CNTNAP2: variants seen among roughly 807,000 people sequenced by gnomAD.
CNTNAP2 encodes the protein contactin associated protein 2, also known as contactin-associated protein-like 2.
Under a neutral mutation model 155.2 loss-of-function variants are expected in CNTNAP2, and 98 were observed. The observed-to-expected ratio is 0.63, with a 90% CI of 0.54 to 0.75. The LOEUF is 0.75. Among genes scored for constraint, CNTNAP2 ranks in the 30% least tolerant of loss-of-function variants. CNTNAP2 has a pLI of 0.00. For synonymous variants in CNTNAP2, 651 were observed against 631.2 expected (o/e 1.03, Z -0.47); for missense variants, 1,727 against 1,688.1 (o/e 1.02, Z -0.40).
At position 146,352,808 on chromosome 7, in the gene CNTNAP2, T is replaced by G. The variant is rs370505427; in HGVS notation, c.97+235835T>G. Reference sequence around the variant, plus strand: ...CTCTCTCTGTCGCCCAGGCTGGAGTTCAGTGGTGCGATCTCGGCTCACTGC... The same window carrying G: ...CTCTCTCTGTCGCCCAGGCTGGAGTGCAGTGGTGCGATCTCGGCTCACTGC... On this transcript the variant is annotated intron_variant, in intron 1 of 23. Transcript: ENST00000361727. Among the ~76,000 whole-genome samples the G allele has an allele frequency of 9.7e-3, 1,358 of 139,446 alleles. 12 individuals carry two copies. Among genetic ancestry groups the G allele is most frequent in the African/African-American group, 0.019 (674 of 34,720 alleles). The allele number at this position is 139,446 out of a possible 152,430, so 91.5% of individuals were successfully genotyped here. A position where few individuals can be genotyped will look rare whatever the true frequency, so the allele number is the denominator to read the frequency against.
At chr7:148,413,236 A>G (rs1309762417) in intron 23 of CNTNAP2, among the ~76,000 whole-genome samples, 1 of 150,848 alleles carries the variant, frequency 6.6e-6, no homozygotes, top group African/African-American at 2.4e-5. Context: ...TACTAAAAAT[A>G]TAAAAATCAG....
At chr7:146,933,394 G>C (rs1266252257) in intron 3 of CNTNAP2, among the ~76,000 whole-genome samples, 1 of 150,850 alleles carries the variant, frequency 6.6e-6, no homozygotes, top group Non-Finnish European at 1.5e-5. Context: ...TACGTAGAAA[G>C]CTGAAACTGG....
chr7:147,972,163 C>A (rs1465762472), intron 14 of CNTNAP2, among the ~76,000 whole-genome samples: 1 of 152,152 alleles, frequency 6.6e-6, no homozygotes, highest in African/African-American at 2.4e-5. Flanking sequence ...TATGAGATAT[C>A]TTCTGTAGCT....
chr7:147,137,255 TA>T (rs941664474), intron 8 of CNTNAP2, among the ~76,000 whole-genome samples: 17 of 151,116 alleles, frequency 1.1e-4, no homozygotes, highest in Non-Finnish European at 1.8e-4. Flanking sequence ...AATAACATGG[TA>T]AAAAATGCTA....
chr7:146,382,036 G>C (rs1027436095), intron 1 of CNTNAP2, among the ~76,000 whole-genome samples: 2 of 152,166 alleles, frequency 1.3e-5, no homozygotes, highest in Non-Finnish European at 2.9e-5. Context: ...TCAGGTTGCT[G>C]TTTTGGTAGC....
chr7:146,895,349 TTCTC>T (rs954657500), intron 3 of CNTNAP2, among the ~76,000 whole-genome samples: 3 of 149,730 alleles, frequency 2.0e-5, no homozygotes, highest in East Asian at 4.0e-4. Flanking sequence ...TTCTCTCTCT[TTCTC>T]TCTTTCTTTT....
chr7:147,332,303 C>T lies in CNTNAP2; in HGVS notation c.1498+32013C>T, dbSNP rs529952458. 3.0e-4 allele frequency among the ~76,000 whole-genome samples: 46 copies of T among 152,214 alleles called. No individual in the cohort carries two copies. In the South Asian group the frequency reaches 5.6e-3, roughly 19 times the overall value. ...TGAAGATACAGAAAAGAGGGCAAAA[C>T]GGAAAACATTCTATAAGTGTTTTTG... is the stretch of plus-strand genomic sequence containing the variant. On this transcript the variant is annotated intron_variant, in intron 9 of 23. Transcript: ENST00000361727.
chr7:147,184,811 A>G (rs1200314359), intron 8 of CNTNAP2, among the ~76,000 whole-genome samples: 1 of 152,224 alleles, frequency 6.6e-6, no homozygotes, highest in Non-Finnish European at 1.5e-5. Context: ...AATGTTAAAG[A>G]AAGAACATGT....
intron 4 of CNTNAP2, among the ~76,000 whole-genome samples, chr7:147,060,401 A>AAT (rs1799640808): frequency 6.6e-6 from 1 of 152,216 alleles, no homozygotes. Context: ...AATACAGATC[A>AAT]ATATCTCTTT....
At chr7:147,864,285 A>G (rs1264579624) in intron 13 of CNTNAP2, among the ~76,000 whole-genome samples, 1 of 152,142 alleles carries the variant, frequency 6.6e-6, no homozygotes, top group African/African-American at 2.4e-5. Context: ...CCATTGGTCT[A>G]TATATCTGTT....
intron 21 of CNTNAP2, among the ~76,000 whole-genome samples, chr7:148,322,572 G>A (rs982669158): frequency 4.6e-5 from 7 of 151,984 alleles, no homozygotes; most frequent in South Asian, 2.1e-4. Flanking sequence ...ACTTGGGCAC[G>A]TCTAGGATCA....
chr7:148,330,162 G>A (rs1428300963), intron 21 of CNTNAP2, among the ~76,000 whole-genome samples: 13 of 151,052 alleles, frequency 8.6e-5, no homozygotes, highest in East Asian at 3.9e-4. Flanking sequence ...GTGGATGGAT[G>A]GAGTGGACGG....
intron 1 of CNTNAP2, among the ~76,000 whole-genome samples, chr7:146,698,074 A>G (rs779013517): frequency 5.9e-5 from 9 of 152,180 alleles, no homozygotes; most frequent in Non-Finnish European, 1.3e-4. Flanking sequence ...TCACAGGTAC[A>G]TTAACGTATT....
At chr7:148,379,349 A>G (rs1435880911) in intron 21 of CNTNAP2, among the ~76,000 whole-genome samples, 2 of 152,170 alleles carry the variant, frequency 1.3e-5, no homozygotes, top group Non-Finnish European at 2.9e-5. Flanking sequence ...AGAAGAAGAT[A>G]TAGGTGCATT....
intron 8 of CNTNAP2, among the ~76,000 whole-genome samples, chr7:147,229,515 C>G (rs1803630025): frequency 6.6e-6 from 1 of 152,150 alleles, no homozygotes; most frequent in Non-Finnish European, 1.5e-5. Context: ...CACAGTGTTT[C>G]CAGTTGGTAT....
intron 21 of CNTNAP2, among the ~76,000 whole-genome samples, chr7:148,348,642 G>A (rs1273347355): frequency 2.0e-5 from 3 of 152,136 alleles, no homozygotes; most frequent in South Asian, 2.1e-4. Flanking sequence ...AGCGGCTCAG[G>A]CACACGTCAT....
rs1367459600 is a variant in CNTNAP2 at position 148,284,253 on chromosome 7, A to T, written c.3475+17127A>T. Among the ~76,000 whole-genome samples, 3 of 152,166 alleles carry T rather than the reference A, an allele frequency of 2.0e-5. No homozygotes were observed. The East Asian group carries it at 5.8e-4, about 29-fold the overall frequency. On this transcript the variant is annotated intron_variant, in intron 21 of 23. Coordinates refer to ENST00000361727, the MANE Select transcript of CNTNAP2 (RefSeq NM_014141.6). ...TGTTGTGGGAGGGACCCGATGGGAG[A>T]TAATTGAATCATGGGGGGGTTTCCC... is the stretch of plus-strand genomic sequence containing the variant.
chr7:147,269,778 T>C (rs1804698428), intron 8 of CNTNAP2, among the ~76,000 whole-genome samples: 2 of 152,100 alleles, frequency 1.3e-5, no homozygotes, highest in Admixed American at 6.5e-5. Flanking sequence ...GACTAGCTTG[T>C]TACAATGGCT....
intron 9 of CNTNAP2, among the ~76,000 whole-genome samples, chr7:147,363,388 C>T (rs950501150): frequency 6.6e-6 from 1 of 152,174 alleles, no homozygotes; most frequent in South Asian, 2.1e-4. Flanking sequence ...TTCTTCATAG[C>T]AGCTCAAACT....
Sources: gnomAD v4.1 joint callset for allele counts (sites outside exome capture counted in the v4.1 genomes callset) on GRCh38, gnomAD v4.1.1 for gene constraint, MANE v1.5 for transcripts, NCBI Gene and HGNC (gene_info 2026-07-23, HGNC 2026-07-21) for gene names.